Variants in RNF220 observed in about 807,000 individuals in gnomAD.
RNF220 encodes ring finger protein 220.
RNF220 carries 7 observed loss-of-function variants against 67.1 expected under a neutral mutation model. The observed-to-expected ratio is 0.10, with a 90% CI of 0.06 to 0.20. The LOEUF (loss-of-function observed/expected upper bound fraction) is 0.20. RNF220 is among the 10% of genes least tolerant of loss of function. The probability of loss-of-function intolerance (pLI) is 1.00; values close to 1 mark genes in which losing one functional copy is unlikely to be tolerated. For missense variants in RNF220, 565 were observed against 740.3 expected (o/e 0.76, Z 2.75); for synonymous variants, 270 against 283.2 (o/e 0.95, Z 0.47).
intron 2 of RNF220, among the ~76,000 whole-genome samples, chr1:44,452,108 A>G (rs538275587): frequency 6.6e-6 from 1 of 152,344 alleles, no homozygotes; most frequent in East Asian, 1.9e-4. Flanking sequence ...TAAATAGTCC[A>G]TCATCCTTTT....
chr1:44,421,985 G>A (rs1649273897), intron 2 of RNF220, among the ~76,000 whole-genome samples: 1 of 152,152 alleles, frequency 6.6e-6, no homozygotes. Flanking sequence ...CTCCTTCATG[G>A]CTCCATTTAA....
At position 44,544,500 on chromosome 1, in the gene RNF220, C is replaced by T. The variant is rs138854072; in HGVS notation, c.626-69665C>T. On this transcript the variant is annotated intron_variant, in intron 2 of 14. Transcript: ENST00000361799. The stretch of plus-strand genomic sequence containing the variant: ...AGTGCTGAGTGCAGAGTCTGGCACA[C>T]GATAAATCCTTTATAAATGCCACTC... Among the ~76,000 whole-genome samples the T allele has an allele frequency of 4.4e-4, 67 of 152,296 alleles. No individual in the cohort carries two copies. The East Asian group carries it at 0.011, about 24-fold the overall frequency.
At chr1:44,525,937 A>G (rs1660336858) in intron 2 of RNF220, among the ~76,000 whole-genome samples, 1 of 152,092 alleles carries the variant, frequency 6.6e-6, no homozygotes, top group Non-Finnish European at 1.5e-5. Context: ...CTCCCACTGA[A>G]TCTGTTTTTG....
intron 2 of RNF220, among the ~76,000 whole-genome samples, chr1:44,535,025 T>C (rs1189721412): frequency 2.6e-5 from 4 of 151,822 alleles, no homozygotes; most frequent in Non-Finnish European, 5.9e-5. Context: ...CTAATCTCCG[T>C]AGGAGGAGTA....
intron 4 of RNF220, 149 bp from the exon 5 acceptor site, chr1:44,626,148 C>A: frequency 1.6e-6 from 1 of 640,552 alleles, no homozygotes. Flanking sequence ...GACTTGACCC[C>A]ATGCCTTTAG....
At chr1:44,598,391 G>A (rs1019276106) in intron 2 of RNF220, among the ~76,000 whole-genome samples, 1 of 152,228 alleles carries the variant, frequency 6.6e-6, no homozygotes, top group Non-Finnish European at 1.5e-5. Context: ...GCTCAGGACG[G>A]AAGCTGGGCT....
At chr1:44,523,207 A>T (rs994870425) in intron 2 of RNF220, among the ~76,000 whole-genome samples, 12 of 152,264 alleles carry the variant, frequency 7.9e-5, no homozygotes, top group Non-Finnish European at 8.8e-5. Flanking sequence ...TGGGGAAGTC[A>T]TCTGCACTGG....
chr1:44,449,115 A>G (rs570526609), intron 2 of RNF220, among the ~76,000 whole-genome samples: 3 of 152,380 alleles, frequency 2.0e-5, no homozygotes, highest in African/African-American at 7.2e-5. Context: ...CCTCAAAGTT[A>G]GGAGCATGGA....
intron 2 of RNF220, among the ~76,000 whole-genome samples, chr1:44,560,594 C>T (rs897194189): frequency 6.6e-6 from 1 of 152,194 alleles, no homozygotes; most frequent in African/African-American, 2.4e-5. Context: ...GACAGTCTCA[C>T]TCTGTTGCCC....
chr1:44,495,231 T>C (rs372725260), intron 2 of RNF220, among the ~76,000 whole-genome samples: 1 of 116,954 alleles, frequency 8.6e-6, no homozygotes, highest in Non-Finnish European at 1.9e-5. Context: ...AATAAACAAA[T>C]AAAACCAGAA....
chr1:44,591,731 C>A (rs143236256), intron 2 of RNF220, among the ~76,000 whole-genome samples: 1 of 152,330 alleles, frequency 6.6e-6, no homozygotes, highest in African/African-American at 2.4e-5. Context: ...CCATGGGAGG[C>A]CCCACTCACC....
At chr1:44,461,924 G>GTTTTTTTTTTTTT (rs201661366) in intron 2 of RNF220, among the ~76,000 whole-genome samples, 11 of 123,570 alleles carry the variant, frequency 8.9e-5, no homozygotes, top group East Asian at 2.4e-4. Context: ...TTTTTTCTTT[G>GTTTTTTTTTTTTT]TTTTTTTTTT....
intron 2 of RNF220, among the ~76,000 whole-genome samples, chr1:44,467,762 G>C (rs1654414371): frequency 6.6e-6 from 1 of 152,126 alleles, no homozygotes; most frequent in Non-Finnish European, 1.5e-5. Context: ...TTGGCTAACT[G>C]TTCAGCACTA....
intron 2 of RNF220, among the ~76,000 whole-genome samples, chr1:44,569,873 C>G (rs558256052): frequency 6.6e-6 from 1 of 152,120 alleles, no homozygotes; most frequent in Non-Finnish European, 1.5e-5. Flanking sequence ...GTCCTGGGCC[C>G]CAGCAGGAGT....
intron 2 of RNF220, among the ~76,000 whole-genome samples, chr1:44,460,101 A>G (rs1046925032): frequency 6.6e-6 from 1 of 152,188 alleles, no homozygotes; most frequent in Non-Finnish European, 1.5e-5. Flanking sequence ...TCCCAACGGG[A>G]AAGTTCAGGG....
intron 2 of RNF220, among the ~76,000 whole-genome samples, chr1:44,586,152 G>C (rs1056887010): frequency 1.3e-5 from 2 of 152,180 alleles, no homozygotes; most frequent in Non-Finnish European, 2.9e-5. Flanking sequence ...TGAGGTGGTG[G>C]AAAGGGAGCT....
chr1:44,580,030 C>CAAAA lies in RNF220; in HGVS notation c.626-34111_626-34108dup, dbSNP rs61499825. 5.5e-3 allele frequency among the ~76,000 whole-genome samples: 358 copies of CAAAA among 64,932 alleles called. 1 individual carries two copies. The highest frequency in any genetic ancestry group is 0.021 in the Middle Eastern group (2 of 96). The allele number at this position is 64,932 out of a possible 152,430, so 42.6% of individuals were successfully genotyped here. On this transcript the variant is annotated intron_variant, in intron 2 of 14. Transcript: ENST00000361799. ...GGCAACAGAGCAAGACCCTGTCTCA[C>CAAAA]AAAAAAAAAAAAAAAAAAAAAAAAA...
intron 5 of RNF220, among the ~76,000 whole-genome samples, chr1:44,628,188 C>A (rs972125400): frequency 1.3e-5 from 2 of 152,256 alleles, no homozygotes; most frequent in Non-Finnish European, 2.9e-5. Context: ...ACAGCCCCAC[C>A]TTCAGAGGCC....
intron 2 of RNF220, chr1:44,545,550 A>G (rs1187360255): frequency 5.2e-5 from 8 of 154,256 alleles, no homozygotes; most frequent in African/African-American, 7.2e-5. Flanking sequence ...CCTTTGCCCA[A>G]TTATGCTCCT....
Sources: allele counts gnomAD v4.1 joint callset (sites outside exome capture counted in the v4.1 genomes callset), GRCh38; gene constraint gnomAD v4.1.1; transcripts MANE v1.5; gene names NCBI Gene and HGNC (gene_info 2026-07-23, HGNC 2026-07-21).